Variants in FRMD4A observed in about 807,000 individuals in gnomAD.
FRMD4A encodes the protein FERM domain containing 4A.
FRMD4A carries 29 observed loss-of-function variants against 129.1 expected under a neutral mutation model. The ratio of observed to expected loss-of-function variants is 0.22; its 90% CI spans 0.17 to 0.31. The LOEUF (loss-of-function observed/expected upper bound fraction) is 0.31. Among genes scored for constraint, FRMD4A ranks in the 10% least tolerant of loss-of-function variants. The pLI is 1.00. For synonymous variants in FRMD4A, 634 were observed against 571.6 expected (o/e 1.11, Z -1.56); for missense variants, 1,272 against 1,375.8 (o/e 0.92, Z 1.19).
intron 2 of FRMD4A, among the ~76,000 whole-genome samples, chr10:13,976,442 C>T (rs1012441023): frequency 6.6e-6 from 1 of 152,128 alleles, no homozygotes; most frequent in Non-Finnish European, 1.5e-5. Context: ...CCCTGCAGCT[C>T]CCACCTCCGT....
chr10:14,183,941 A>G (rs1841990338), intron 2 of FRMD4A, among the ~76,000 whole-genome samples: 1 of 152,160 alleles, frequency 6.6e-6, no homozygotes, highest in Non-Finnish European at 1.5e-5. Flanking sequence ...TCATAAGAAC[A>G]AAGAGAAATT....
chr10:13,824,721 C>T (rs1014599817), intron 3 of FRMD4A, among the ~76,000 whole-genome samples: 50 of 151,622 alleles, frequency 3.3e-4, no homozygotes, highest in Middle Eastern at 3.4e-3. Context: ...GGGGAAACCC[C>T]GTCTCTACTA....
intron 5 of FRMD4A, among the ~76,000 whole-genome samples, chr10:13,795,132 G>A (rs75858352): frequency 1.3e-5 from 2 of 152,294 alleles, no homozygotes; most frequent in African/African-American, 4.8e-5. Context: ...TATGGTAAAT[G>A]CACTCATCCA....
At chr10:14,279,350 C>A (rs1412779570) in intron 2 of FRMD4A, among the ~76,000 whole-genome samples, 10 of 151,928 alleles carry the variant, frequency 6.6e-5, no homozygotes. Flanking sequence ...CCATATTTGG[C>A]AAATTTATTT....
intron 2 of FRMD4A, among the ~76,000 whole-genome samples, chr10:14,173,675 T>A (rs1362397850): frequency 6.6e-6 from 1 of 152,122 alleles, no homozygotes; most frequent in Non-Finnish European, 1.5e-5. Context: ...GAGAAATTGG[T>A]ACTTCCTGCA....
chr10:13,783,547 ATTT>A (rs57973701), intron 5 of FRMD4A, among the ~76,000 whole-genome samples: 1 of 145,862 alleles, frequency 6.9e-6, no homozygotes, highest in Admixed American at 6.8e-5. Context: ...ACCACGCCTA[ATTT>A]TTTTTTTTTT....
chr10:14,004,682 T>A (rs2095655455), intron 2 of FRMD4A, among the ~76,000 whole-genome samples: 1 of 152,224 alleles, frequency 6.6e-6, no homozygotes, highest in Non-Finnish European at 1.5e-5. Context: ...TTGCATACAT[T>A]TTTGGTGATC....
intron 15 of FRMD4A, chr10:13,685,393 A>G (rs529166091): frequency 1.0e-6 from 1 of 985,050 alleles, no homozygotes; most frequent in African/African-American, 1.7e-5. Context: ...CTGAACATTC[A>G]TTTTAAAAAA....
At chr10:13,853,683 A>G (rs1434402585) in intron 3 of FRMD4A, among the ~76,000 whole-genome samples, 1 of 151,996 alleles carries the variant, frequency 6.6e-6, no homozygotes, top group African/African-American at 2.4e-5. Flanking sequence ...AAAATACAAA[A>G]GTAGCTGGGC....
chr10:14,191,794 GT>G (rs11410689), intron 2 of FRMD4A, among the ~76,000 whole-genome samples: 9,492 of 133,034 alleles, frequency 0.071, 356 homozygotes, highest in African/African-American at 0.078. Context: ...TCAACTGGCT[GT>G]TTTTTTTTTT....
At chr10:13,698,027 C>A (rs1302450329) in intron 14 of FRMD4A, among the ~76,000 whole-genome samples, 5 of 148,230 alleles carry the variant, frequency 3.4e-5, no homozygotes, top group Non-Finnish European at 7.5e-5. Flanking sequence ...AGCACAGCCT[C>A]CCTCCGCCCT....
At chr10:14,126,343 G>T (rs1838841714) in intron 2 of FRMD4A, among the ~76,000 whole-genome samples, 1 of 151,982 alleles carries the variant, frequency 6.6e-6, no homozygotes, top group South Asian at 2.1e-4. Flanking sequence ...GCTAATTTTT[G>T]TATTTTTAGT....
chr10:14,098,655 G>T (rs113837078), intron 2 of FRMD4A, among the ~76,000 whole-genome samples: 1 of 151,948 alleles, frequency 6.6e-6, no homozygotes, highest in Non-Finnish European at 1.5e-5. Context: ...TGATCCGCCC[G>T]CCTCGACCTC....
intron 2 of FRMD4A, among the ~76,000 whole-genome samples, chr10:13,988,042 TA>T (rs569600131): frequency 1.3e-5 from 2 of 151,964 alleles, no homozygotes; most frequent in Admixed American, 6.6e-5. Context: ...CGCTAGAAAA[TA>T]AAAAAAATCT....
At chr10:13,990,750 G>T (rs1228836888) in intron 2 of FRMD4A, among the ~76,000 whole-genome samples, 1 of 152,196 alleles carries the variant, frequency 6.6e-6, no homozygotes, top group African/African-American at 2.4e-5. Context: ...ACTCAGAAAC[G>T]TGTAAGTGCC....
chr10:14,063,418 T>C (rs1211654249), intron 2 of FRMD4A, among the ~76,000 whole-genome samples: 1 of 152,188 alleles, frequency 6.6e-6, no homozygotes, highest in Non-Finnish European at 1.5e-5. Context: ...ATTGTTCTCT[T>C]GGCAACACTA....
chr10:13,670,313 T>C lies in FRMD4A; in HGVS notation c.1374+93A>G, dbSNP rs562951828. The stretch of plus-strand genomic sequence containing the variant: ...CGAAAATACTGGCATTAGGCAGAAA[T>C]GAAGAAATTGGTACAGAAAACCTGG... On this transcript the variant is annotated intron_variant, in intron 17 of 24. Coordinates refer to ENST00000357447, the MANE Select transcript of FRMD4A (RefSeq NM_018027.5). The C allele has an allele frequency of 1.1e-4, 143 of 1,332,238 alleles. 3 individuals carry two copies. In the Middle Eastern group the frequency reaches 7.4e-3, roughly 69 times the overall value. The allele number at this position is 1,332,238 out of a possible 1,614,324, so 82.5% of individuals were successfully genotyped here. A position where few individuals can be genotyped will look rare whatever the true frequency, so the allele number is the denominator to read the frequency against.
intron 2 of FRMD4A, among the ~76,000 whole-genome samples, chr10:14,080,508 G>C (rs1835868239): frequency 6.6e-6 from 1 of 152,006 alleles, no homozygotes; most frequent in South Asian, 2.1e-4. Context: ...AGCAGGACAA[G>C]TTCTATCCTC....
At chr10:13,751,486 T>C (rs2091622077) in intron 8 of FRMD4A, among the ~76,000 whole-genome samples, 1 of 152,204 alleles carries the variant, frequency 6.6e-6, no homozygotes, top group South Asian at 2.1e-4. Flanking sequence ...GCCCTGTCAA[T>C]CTGGCCAAAC....
Sources: allele counts gnomAD v4.1 joint callset (sites outside exome capture counted in the v4.1 genomes callset), GRCh38; gene constraint gnomAD v4.1.1; transcripts MANE v1.5; gene names NCBI Gene and HGNC (gene_info 2026-07-23, HGNC 2026-07-21).